The following TRMT44 variants were observed in gnomAD, a reference collection of about 807,000 sequenced individuals.
The protein encoded by TRMT44 is tRNA methyltransferase 44 homolog.
Under a neutral mutation model 77.3 loss-of-function variants are expected in TRMT44, and 78 were observed. The ratio of observed to expected loss-of-function variants is 1.01; its 90% CI spans 0.84 to 1.22. The LOEUF (loss-of-function observed/expected upper bound fraction) is 1.22. TRMT44 is among the 50% of genes most tolerant of loss of function. The probability of loss-of-function intolerance (pLI) is 0.00; values close to 1 mark genes in which losing one functional copy is unlikely to be tolerated. For missense variants in TRMT44, 1,090 were observed against 964.4 expected, an observed-to-expected ratio of 1.13 and a Z score of -1.73; for synonymous variants, 391 against 383.3, an observed-to-expected ratio of 1.02 and a Z score of -0.23.
chr4:8,491,281 C>T (rs1444485717), intron 2 of TRMT44, among the ~76,000 whole-genome samples: 1 of 152,240 alleles, frequency 6.6e-6, no homozygotes, highest in Admixed American at 6.5e-5. Context: ...GGTGTGTTTA[C>T]AATCCCTGAG....
rs369164973 is a variant in TRMT44 at position 8,467,924 on chromosome 4, T to A, written c.1505T>A (p.Val502Asp). The change falls in exon 9 of 11, where the codon GTT becomes GAT. Residue 502 changes from valine to aspartate, a missense_variant. By Grantham distance (152) the Val-to-Asp change is radical. Transcript: ENST00000389737. The part of the protein sequence containing the change: ...RIPSTKRVCL[V>D]GKSRTYPSSR... ...TTTCTTCAAACGCAGGTCTGTCTCG[T>A]TGGAAAATCCAGAACATACCCTTCC... The A allele has an allele frequency of 6.2e-7, 1 of 1,601,248 alleles. No homozygotes were observed. The highest frequency in any genetic ancestry group is 1.3e-5 in the African/African-American group (1 of 74,554).
At chr4:8,482,959 G>A (rs993328148) in intron 2 of TRMT44, among the ~76,000 whole-genome samples, 1 of 152,090 alleles carries the variant, frequency 6.6e-6, no homozygotes. Context: ...GGGCTGCTTC[G>A]AGTGGGATGA....
At chr4:8,460,343 G>A (rs1409773504) in intron 6 of TRMT44, among the ~76,000 whole-genome samples, 1 of 152,128 alleles carries the variant, frequency 6.6e-6, no homozygotes, top group Non-Finnish European at 1.5e-5. Flanking sequence ...TTTTCATCAT[G>A]GAGAATGTCA....
At chr4:8,490,529 G>A (rs939794161) in intron 2 of TRMT44, among the ~76,000 whole-genome samples, 35 of 151,652 alleles carry the variant, frequency 2.3e-4, no homozygotes, top group Admixed American at 2.2e-3. Flanking sequence ...GAGTGAAGCC[G>A]CAGACCTTCG....
chr4:8,467,976 G>C lies in TRMT44; in HGVS notation c.1557G>C (p.Lys519Asn), dbSNP rs1364334163. 1.2e-6 allele frequency: 2 copies of C among 1,613,968 alleles called. No individual in the cohort carries two copies. Among genetic ancestry groups the C allele is most frequent in the African/African-American group, 1.3e-5 (1 of 74,954 alleles). Reference protein sequence around the residue: ...PSSREASVDEKRTQYIKSRRG... With the variant: ...PSSREASVDENRTQYIKSRRG... The stretch of plus-strand genomic sequence containing the variant: ...CCAGAGAAGCTTCCGTGGATGAAAA[G>C]AGGACTCAGTACATTAAGAGCAGGC... The change falls in exon 9 of 11, where the codon AAG (lysine) becomes AAC (asparagine). Residue 519 changes from lysine (K) to asparagine (N), a missense_variant. By Grantham distance (94) the Lys-to-Asn change is moderately conservative. Transcript: ENST00000389737.
chr4:8,454,425 G>A (rs1418483757), intron 5 of TRMT44: 1 of 325,966 alleles, frequency 3.1e-6, no homozygotes, highest in Non-Finnish European at 5.7e-6. Context: ...CAAGCTCTTA[G>A]AGGCGTAGGC....
In TRMT44 at chr4:8,465,409, C is replaced by G. The variant is rs913286508; in HGVS notation, c.1342C>G (p.Pro448Ala). 1 of 1,613,552 alleles carries G rather than the reference C, an allele frequency of 6.2e-7. No individual in the cohort carries two copies. Residue 448 changes from proline (P) to alanine (A), a missense_variant, in exon 8 of 11, where the codon CCC becomes GCC. Pro to Ala is a conservative substitution (Grantham distance 27). Transcript: ENST00000389737. ...SSYNCRFFVL[P>A]CCFFDFIGRY... ...CTACAATTGCCGCTTCTTTGTCCTC[C>G]CCTGCTGCTTCTTTGACTTCATTGG...
At chr4:8,511,576 A>T in the TRMT44 span, among the ~76,000 whole-genome samples, 5 of 152,232 alleles carry the variant, frequency 3.3e-5, no homozygotes, top group African/African-American at 1.2e-4. Context: ...AAAGATCAAC[A>T]TCCCTAAAGT....
rs751455280 is a variant in TRMT44, at chr4:8,471,216, C to G, written c.2044+16C>G. The stretch of plus-strand genomic sequence containing the variant: ...GTGTTCCAAGGTACGGAGTCCGCCT[C>G]TCCCCCGCCGTTCTTTCCTTCTTTT... On this transcript the variant is annotated intron_variant, in intron 10 of 10. Coordinates refer to ENST00000389737, the MANE Select transcript of TRMT44 (RefSeq NM_152544.3). The G allele has an allele frequency of 1.3e-6, 2 of 1,493,910 alleles. No individual in the cohort carries two copies. Among genetic ancestry groups the G allele is most frequent in the East Asian group, 2.3e-5 (1 of 42,908 alleles). The allele number at this position is 1,493,910 out of a possible 1,614,324, so 92.5% of individuals were successfully genotyped here.
rs781477347 is a variant in TRMT44, at chr4:8,464,026, T to C, written c.1245T>C (p.Asp415=). ...CCAATGATAAGACCCTTTTCCCTGA[T>C]GTTGATTGGTTAATCGGTAACCATT... is the stretch of plus-strand genomic sequence containing the variant. The part of the protein sequence containing the change: ...ITPNDKTLFP[D]VDWLIGNHSD... Residue 415 remains aspartate (D), a synonymous_variant, in exon 7 of 11, where the codon GAT becomes GAC. Coordinates refer to ENST00000389737, the MANE Select transcript of TRMT44 (RefSeq NM_152544.3). 9 of 1,614,048 alleles carry C rather than the reference T, an allele frequency of 5.6e-6. No homozygotes were observed. The highest frequency in any genetic ancestry group is 5.3e-5 in the African/African-American group (4 of 74,936).
chr4:8,476,013 G>T lies in TRMT44; in HGVS notation c.*12G>T. ...AGAAGATTTCATGAGCTGCATCCTTGCCAGCCGAGGCCTGGTTGGGGAGGC... is the reference window on the plus strand; with the variant it reads ...AGAAGATTTCATGAGCTGCATCCTTTCCAGCCGAGGCCTGGTTGGGGAGGC... On this transcript the variant is annotated 3_prime_UTR_variant, in exon 11 of 11. Coordinates refer to ENST00000389737, the MANE Select transcript of TRMT44 (RefSeq NM_152544.3). 6.2e-7 allele frequency: 1 copy of T among 1,610,862 alleles called. No individual in the cohort carries two copies. Among genetic ancestry groups the T allele is most frequent in the Non-Finnish European group, 8.5e-7 (1 of 1,177,952 alleles).
Position 8,475,294 on chromosome 4 carries a change from G to A in TRMT44, c.2045-478G>A, listed in dbSNP as rs138614199. Among the ~76,000 whole-genome samples the A allele has an allele frequency of 2.0e-3, 306 of 152,292 alleles. 2 individuals are homozygous for A. The highest frequency in any genetic ancestry group is 6.9e-3 in the African/African-American group (285 of 41,572). ...TTTCTCGTGTTTCGGCTCTCACACCGTGGTCCCTCCTTCCTCCACTCAAGT... is the reference window on the plus strand; with the variant it reads ...TTTCTCGTGTTTCGGCTCTCACACCATGGTCCCTCCTTCCTCCACTCAAGT... On this transcript the variant is annotated intron_variant, in intron 10 of 10. Transcript: ENST00000389737.
intron 7 of TRMT44, 117 bp from the exon 8 acceptor site, chr4:8,465,261 G>A (rs1213083080): frequency 2.1e-6 from 2 of 933,316 alleles, no homozygotes; most frequent in Non-Finnish European, 3.3e-6. Context: ...ATATTGGCCA[G>A]GAACATCACT....
At chr4:8,478,037 G>A (rs371508646), downstream of TRMT44, 1 of 153,106 alleles carries the variant, frequency 6.5e-6, no homozygotes, top group South Asian at 2.1e-4. Flanking sequence ...ATGGCTCCAG[G>A]TGGTTGGACT....
chr4:8,513,285 C>T, the TRMT44 span, among the ~76,000 whole-genome samples: 1 of 152,180 alleles, frequency 6.6e-6, no homozygotes, highest in Non-Finnish European at 1.5e-5. Context: ...TGGCTGGCAG[C>T]AGGCAAAAAG....
the TRMT44 span, among the ~76,000 whole-genome samples, chr4:8,505,691 C>G: frequency 1.8e-4 from 27 of 152,360 alleles, 1 homozygote; most frequent in African/African-American, 6.3e-4. Flanking sequence ...GACACTTGCT[C>G]AAGGCCACTG....
chr4:8,489,003 A>G (rs1464255013), intron 2 of TRMT44, among the ~76,000 whole-genome samples: 1 of 152,222 alleles, frequency 6.6e-6, no homozygotes, highest in Non-Finnish European at 1.5e-5. Context: ...CTGGCAACGC[A>G]GAAGGGATGA....
At chr4:8,467,762 C>G (rs532059147) in intron 8 of TRMT44, 152 bp from the exon 9 acceptor site, 4 of 859,322 alleles carry the variant, frequency 4.7e-6, no homozygotes, top group Non-Finnish European at 3.5e-6. Context: ...AGTGAGCCAC[C>G]GTACCTGGCT....
At chr4:8,503,863 C>T in the TRMT44 span, among the ~76,000 whole-genome samples, 1 of 152,352 alleles carries the variant, frequency 6.6e-6, no homozygotes, top group Non-Finnish European at 1.5e-5. Context: ...CTGAGCCCCT[C>T]TTGTTCTTAT....
Sources: gnomAD v4.1 joint callset for allele counts (sites outside exome capture counted in the v4.1 genomes callset) on GRCh38, gnomAD v4.1.1 for gene constraint, MANE v1.5 for transcripts, NCBI Gene and HGNC (gene_info 2026-07-23, HGNC 2026-07-21) for gene names.